ZCCHC17: variants seen among roughly 807,000 people sequenced by gnomAD.
The protein encoded by ZCCHC17 is zinc finger CCHC domain-containing protein 17.
A neutral mutation model predicts 30.6 loss-of-function variants in ZCCHC17; 18 were observed. That is an observed-to-expected ratio of 0.59 (90% CI 0.41 to 0.87). The LOEUF is 0.87. Among genes scored for constraint, ZCCHC17 ranks in the 40% least tolerant of loss-of-function variants. The pLI is 0.00. For missense variants in ZCCHC17, 263 were observed against 284.2 expected, an observed-to-expected ratio of 0.93 and a Z score of 0.54; for synonymous variants, 88 against 92.4, an observed-to-expected ratio of 0.95 and a Z score of 0.27.
chr1:31,313,233 A>C (rs769186108), intron 2 of ZCCHC17, among the ~76,000 whole-genome samples: 6 of 151,160 alleles, frequency 4.0e-5, no homozygotes, highest in Non-Finnish European at 8.8e-5. Context: ...CACACACCAC[A>C]ACACCTGGCT....
chr1:31,298,373 A>T (rs762430120), intron 1 of ZCCHC17, among the ~76,000 whole-genome samples: 1 of 120,012 alleles, frequency 8.3e-6, no homozygotes, highest in African/African-American at 3.1e-5. Context: ...ATGATTAGAG[A>T]CCAGTTTTTT....
intron 7 of ZCCHC17, among the ~76,000 whole-genome samples, chr1:31,361,802 T>TTTA (rs1221940938): frequency 1.3e-5 from 2 of 148,340 alleles, no homozygotes; most frequent in African/African-American, 5.2e-5. Flanking sequence ...TATTTATTTA[T>TTTA]TTATTTATTT....
chr1:31,359,421 C>T (rs566201216), intron 7 of ZCCHC17, among the ~76,000 whole-genome samples: 52 of 152,108 alleles, frequency 3.4e-4, no homozygotes, highest in Admixed American at 3.3e-3. Flanking sequence ...CTTGGGACTA[C>T]AAGCGATTCA....
intron 7 of ZCCHC17, among the ~76,000 whole-genome samples, chr1:31,357,719 G>A (rs768529907): frequency 3.3e-5 from 5 of 151,938 alleles, no homozygotes; most frequent in Non-Finnish European, 5.9e-5. Context: ...TGGGGAGCAG[G>A]TGACTTTCAT....
chr1:31,307,107 A>T (rs989131359), intron 1 of ZCCHC17, among the ~76,000 whole-genome samples: 30 of 151,190 alleles, frequency 2.0e-4, no homozygotes, highest in Admixed American at 4.0e-4. Context: ...AAGCGCTGGG[A>T]TTACAGGCGT....
intron 3 of ZCCHC17, among the ~76,000 whole-genome samples, chr1:31,321,111 C>T (rs947608478): frequency 6.6e-6 from 1 of 152,068 alleles, no homozygotes; most frequent in African/African-American, 2.4e-5. Context: ...TATATTTTGG[C>T]TGTGTCCTCA....
chr1:31,333,410 C>A (rs1250514473), intron 3 of ZCCHC17, among the ~76,000 whole-genome samples: 1 of 152,100 alleles, frequency 6.6e-6, no homozygotes, highest in Non-Finnish European at 1.5e-5. Context: ...GTAATCGCAG[C>A]TACTCGGGAG....
At chr1:31,322,039 G>A (rs57186798) in intron 3 of ZCCHC17, among the ~76,000 whole-genome samples, 19,949 of 152,066 alleles carry the variant, frequency 0.13, 1,449 homozygotes, top group Non-Finnish European at 0.15. Flanking sequence ...CTACACATGT[G>A]GTAAAATTAC....
At chr1:31,324,299 C>T (rs1638249471) in intron 3 of ZCCHC17, among the ~76,000 whole-genome samples, 1 of 152,254 alleles carries the variant, frequency 6.6e-6, no homozygotes, top group Middle Eastern at 3.4e-3. Context: ...ATAGCAAGAC[C>T]CCACTGATGG....
intron 1 of ZCCHC17, among the ~76,000 whole-genome samples, chr1:31,297,451 C>T (rs1427990543): frequency 1.6e-4 from 25 of 152,186 alleles, no homozygotes; most frequent in Admixed American, 1.6e-3. Context: ...TACTGTATGC[C>T]CCCCTGAGAG....
intron 3 of ZCCHC17, among the ~76,000 whole-genome samples, chr1:31,336,023 T>A (rs1569859757): frequency 6.6e-6 from 1 of 152,218 alleles, no homozygotes; most frequent in Admixed American, 6.5e-5. Flanking sequence ...TTTTTTAACC[T>A]CTGTAGGTAA....
In ZCCHC17 at chr1:31,311,217, G is replaced by T. The variant is rs190328553; in HGVS notation, c.66+1053G>T. Among the ~76,000 whole-genome samples the T allele has an allele frequency of 2.2e-4, 33 of 152,238 alleles. No individual in the cohort carries two copies. In the East Asian group the frequency reaches 5.4e-3, roughly 25 times the overall value. ...TGGGGTTACAGGCATGAGCCATTGT[G>T]CTTGGCCTAGAATAAGATTTTTAAA... On this transcript the variant is annotated intron_variant, in intron 2 of 7. Transcript: ENST00000344147.
At chr1:31,310,841 A>T (rs1245049841) in intron 2 of ZCCHC17, among the ~76,000 whole-genome samples, 1 of 152,192 alleles carries the variant, frequency 6.6e-6, no homozygotes, top group Non-Finnish European at 1.5e-5. Flanking sequence ...TTCCCAGACT[A>T]CACATCTGGC....
intron 1 of ZCCHC17, among the ~76,000 whole-genome samples, chr1:31,304,593 T>G (rs1646403915): frequency 6.6e-6 from 1 of 151,628 alleles, no homozygotes; most frequent in South Asian, 2.1e-4. Context: ...CTCAATGTTA[T>G]ATACTCTTAT....
rs1646804632 is a variant in ZCCHC17 at position 31,319,206 on chromosome 1, C to T, written c.124+40C>T. The T allele has an allele frequency of 1.9e-6, 3 of 1,553,936 alleles. No homozygotes were observed. The East Asian group carries it at 6.7e-5, about 35-fold the overall frequency. On this transcript the variant is annotated intron_variant, in intron 3 of 7. Coordinates refer to ENST00000344147, the MANE Select transcript of ZCCHC17 (RefSeq NM_016505.4). ...CTTGAAATTCAGCCCTCTGATTCTA[C>T]TCTCTGCTAACACTCCACCACCTCC...
At chr1:31,317,922 A>G (rs968455141) in intron 2 of ZCCHC17, among the ~76,000 whole-genome samples, 4 of 152,220 alleles carry the variant, frequency 2.6e-5, no homozygotes, top group Non-Finnish European at 4.4e-5. Context: ...CTCTAGTGTA[A>G]TTAAGACTCC....
At chr1:31,344,106 C>T (rs1369451842) in intron 5 of ZCCHC17, among the ~76,000 whole-genome samples, 6 of 151,846 alleles carry the variant, frequency 4.0e-5, no homozygotes, top group Non-Finnish European at 5.9e-5. Flanking sequence ...CTTCCTGTCT[C>T]GGCCTCCCAA....
chr1:31,336,798 A>G (rs1191049776), intron 3 of ZCCHC17, among the ~76,000 whole-genome samples: 1 of 150,488 alleles, frequency 6.6e-6, no homozygotes, highest in Non-Finnish European at 1.5e-5. Context: ...CTAAGTAGCT[A>G]GAGCTACAGA....
In ZCCHC17 at chr1:31,339,960, C is replaced by CTTTTTTTTTTTTTT. The variant is rs36008834; in HGVS notation, c.317+923_317+936dup. ...TCTGTCTCAAGTCTTTCTTGGATTT[C>CTTTTTTTTTTTTTT]TTTTTTTTTTTTTTTTTTTTTTTTG... On this transcript the variant is annotated intron_variant, in intron 5 of 7. Transcript: ENST00000344147. Among the ~76,000 whole-genome samples, 64 of 90,412 alleles carry CTTTTTTTTTTTTTT rather than the reference C, an allele frequency of 7.1e-4. 5 individuals are homozygous for CTTTTTTTTTTTTTT. The highest frequency in any genetic ancestry group is 1.4e-3 in the African/African-American group (41 of 28,818). 59.3% of individuals were successfully genotyped at this position (90,412 alleles called of 152,430 possible). A position where few individuals can be genotyped will look rare whatever the true frequency, so the allele number is the denominator to read the frequency against.
Sources: gnomAD v4.1 joint callset for allele counts (sites outside exome capture counted in the v4.1 genomes callset) on GRCh38, gnomAD v4.1.1 for gene constraint, MANE v1.5 for transcripts, NCBI Gene and HGNC (gene_info 2026-07-23, HGNC 2026-07-21) for gene names.